ZNF83: variants seen among roughly 807,000 people sequenced by gnomAD.
The protein encoded by ZNF83 is zinc finger protein 816B.
For missense variants in ZNF83, 552 were observed against 629.9 expected (o/e 0.88, Z 1.32); for synonymous variants, 209 against 213.0 (o/e 0.98, Z 0.17).
intron 2 of ZNF83, among the ~76,000 whole-genome samples, chr19:52,658,619 C>T (rs547672578): frequency 2.0e-5 from 3 of 152,146 alleles, no homozygotes; most frequent in Non-Finnish European, 4.4e-5. Flanking sequence ...AGGGAATAGT[C>T]ACAAACCTTT....
At chr19:52,680,606 A>ATT (rs556558292) in intron 1 of ZNF83, among the ~76,000 whole-genome samples, 2,465 of 88,922 alleles carry the variant, frequency 0.028, 27 homozygotes, top group East Asian at 0.044. Context: ...TCCACAAAAT[A>ATT]TTTTTTTTTT....
chr19:52,631,408 G>A (rs1016747245), intron 2 of ZNF83, among the ~76,000 whole-genome samples: 1 of 152,178 alleles, frequency 6.6e-6, no homozygotes, highest in South Asian at 2.1e-4. Context: ...GGCTGGCCAT[G>A]ATGTCTGCGT....
At chr19:52,676,576 C>A (rs573664065) in intron 1 of ZNF83, among the ~76,000 whole-genome samples, 1 of 151,858 alleles carries the variant, frequency 6.6e-6, no homozygotes, top group African/African-American at 2.4e-5. Context: ...GCCGCCCCTA[C>A]TGGGAAGTGA....
At chr19:52,687,587 T>A (rs1437157455) in intron 1 of ZNF83, among the ~76,000 whole-genome samples, 1 of 45,372 alleles carries the variant, frequency 2.2e-5, no homozygotes, top group African/African-American at 2.4e-4. Flanking sequence ...TTTATATATA[T>A]ATATATATAA....
chr19:52,681,628 A>G (rs8106497), intron 1 of ZNF83, among the ~76,000 whole-genome samples: 7,662 of 152,188 alleles, frequency 0.05, 651 homozygotes, highest in African/African-American at 0.18. Context: ...ATTACCACAA[A>G]TCAAATAGCT....
chr19:52,654,092 G>T lies in ZNF83; in HGVS notation c.-74+1469C>A, dbSNP rs941050954. The T allele has an allele frequency of 2.5e-6, 4 of 1,602,538 alleles. No individual in the cohort carries two copies. In the East Asian group the frequency reaches 8.9e-5, roughly 36 times the overall value. Reference sequence around the variant, plus strand: ...ATTTTCCCTTCAGTCTGAAATTCGTGCAGTTCAGGCAGATGTGAATAAAAG... The same window carrying T: ...ATTTTCCCTTCAGTCTGAAATTCGTTCAGTTCAGGCAGATGTGAATAAAAG... On this transcript the variant is annotated intron_variant, in intron 3 of 5. Transcript: ENST00000594682.
rs527445231 is a variant in ZNF83 at position 52,623,320 on chromosome 19, G to T, written c.-233-8523C>A. Among the ~76,000 whole-genome samples, 413 of 152,230 alleles carry T rather than the reference G, an allele frequency of 2.7e-3. 1 individual carries two copies. The highest frequency in any genetic ancestry group is 4.0e-3 in the Non-Finnish European group (271 of 68,022). Reference sequence around the variant, plus strand: ...GCGTAAGTCCATCCCCTGTTTAATTGATACAGGGGCTAACCACTCCACATT... The same window carrying T: ...GCGTAAGTCCATCCCCTGTTTAATTTATACAGGGGCTAACCACTCCACATT... On this transcript the variant is annotated intron_variant, in intron 2 of 2. Transcript: ENST00000301096.
chr19:52,659,053 G>A (rs2061543524), intron 2 of ZNF83, among the ~76,000 whole-genome samples: 1 of 152,130 alleles, frequency 6.6e-6, no homozygotes, highest in South Asian at 2.1e-4. Flanking sequence ...GTCGGTGTAC[G>A]TTTCATTCAT....
chr19:52,640,391 A>T (rs1190136953), upstream of ZNF83, among the ~76,000 whole-genome samples: 1 of 152,188 alleles, frequency 6.6e-6, no homozygotes, highest in Non-Finnish European at 1.5e-5. Flanking sequence ...AGCCCAGTGC[A>T]TAGGTTGCAG....
At chr19:52,683,818 C>CCT (rs2061968563) in intron 1 of ZNF83, among the ~76,000 whole-genome samples, 1 of 152,124 alleles carries the variant, frequency 6.6e-6, no homozygotes, top group African/African-American at 2.4e-5. Flanking sequence ...CTCAGTCTTC[C>CCT]GAGGACACCT....
At chr19:52,645,688 T>G (rs141610539) in intron 3 of ZNF83, among the ~76,000 whole-genome samples, 1 of 151,764 alleles carries the variant, frequency 6.6e-6, no homozygotes, top group African/African-American at 2.4e-5. Flanking sequence ...ATACCTGTAG[T>G]GCCACCTACT....
chr19:52,653,579 C>T (rs1250642162), intron 3 of ZNF83, among the ~76,000 whole-genome samples: 10 of 152,122 alleles, frequency 6.6e-5, no homozygotes, highest in Admixed American at 6.5e-5. Flanking sequence ...GGTTTCTCTC[C>T]AGTATGACGT....
intron 2 of ZNF83, among the ~76,000 whole-genome samples, 165 bp downstream of exon 2, chr19:52,634,901 G>A (rs1441895882): frequency 6.6e-6 from 1 of 152,162 alleles, no homozygotes; most frequent in African/African-American, 2.4e-5. Context: ...GGTCACAAGA[G>A]ATGGAATCTA....
At chr19:52,652,165 G>A (rs570789462) in intron 3 of ZNF83, 8 of 224,962 alleles carry the variant, frequency 3.6e-5, no homozygotes, top group East Asian at 1.5e-4. Flanking sequence ...CACACTGGGC[G>A]TGGTGGCTCA....
At chr19:52,672,839 G>A (rs1051806847) in intron 1 of ZNF83, among the ~76,000 whole-genome samples, 3 of 152,090 alleles carry the variant, frequency 2.0e-5, no homozygotes, top group African/African-American at 7.2e-5. Context: ...ACCTTCCAAA[G>A]TGCTGGGATT....
intron 1 of ZNF83, among the ~76,000 whole-genome samples, chr19:52,678,494 T>A (rs1201056781): frequency 1.3e-5 from 2 of 148,706 alleles, no homozygotes; most frequent in Non-Finnish European, 3.0e-5. Flanking sequence ...GGAGGGTAAA[T>A]CTTGTTTCTT....
At chr19:52,631,939 C>A (rs865848860) in intron 2 of ZNF83, among the ~76,000 whole-genome samples, 1 of 147,374 alleles carries the variant, frequency 6.8e-6, no homozygotes, top group South Asian at 2.2e-4. Context: ...ATTCAGGCCC[C>A]CCTCCCTTCC....
exon 3 of ZNF83, chr19:52,613,131 G>T: frequency 1.2e-6 from 2 of 1,613,966 alleles, no homozygotes; most frequent in Non-Finnish European, 1.7e-6. Context: ...CTCCAGTGTG[G>T]ATCGCATGAT....
exon 3 of ZNF83, chr19:52,613,249 C>T: frequency 6.2e-7 from 1 of 1,614,000 alleles, no homozygotes; most frequent in Non-Finnish European, 8.5e-7. Flanking sequence ...TGAGTTTAGA[C>T]CGAAGACCTT....
Sources: allele counts gnomAD v4.1 joint callset (sites outside exome capture counted in the v4.1 genomes callset), GRCh38; gene constraint gnomAD v4.1.1; transcripts MANE v1.5; gene names NCBI Gene and HGNC (gene_info 2026-07-23, HGNC 2026-07-21).